The following CTNNA2 variants were observed in gnomAD, a reference collection of about 807,000 sequenced individuals.
The protein encoded by CTNNA2 is catenin alpha-2.
CTNNA2 carries 42 observed loss-of-function variants against 101.0 expected under a neutral mutation model. That is an observed-to-expected ratio of 0.42 (90% CI 0.32 to 0.54). The LOEUF is 0.54. Among genes scored for constraint, CTNNA2 ranks in the 20% least tolerant of loss-of-function variants. The probability of loss-of-function intolerance (pLI) is 0.14; values close to 1 mark genes in which losing one functional copy is unlikely to be tolerated. For synonymous variants in CTNNA2, 450 were observed against 456.4 expected, an observed-to-expected ratio of 0.99 and a Z score of 0.18; for missense variants, 871 against 1,223.1, an observed-to-expected ratio of 0.71 and a Z score of 4.29.
At chr2:80,588,873 C>T (rs1286796306) in intron 14 of CTNNA2, among the ~76,000 whole-genome samples, 1 of 152,162 alleles carries the variant, frequency 6.6e-6, no homozygotes, top group African/African-American at 2.4e-5. Context: ...TTTAAAATTC[C>T]TATCCTTTCC....
At chr2:79,979,402 T>C (rs1261511237) in intron 7 of CTNNA2, among the ~76,000 whole-genome samples, 1 of 151,986 alleles carries the variant, frequency 6.6e-6, no homozygotes, top group Non-Finnish European at 1.5e-5. Context: ...AAAACCCTGA[T>C]AACATGAGTG....
At chr2:79,388,906 A>G (rs542061400) in intron 4 of CTNNA2, among the ~76,000 whole-genome samples, 7 of 152,300 alleles carry the variant, frequency 4.6e-5, no homozygotes, top group Admixed American at 3.9e-4. Context: ...CAACATAAAA[A>G]TTCACCTGCA....
At chr2:80,535,802 G>A (rs1004305335) in intron 9 of CTNNA2, among the ~76,000 whole-genome samples, 1 of 152,152 alleles carries the variant, frequency 6.6e-6, no homozygotes, top group African/African-American at 2.4e-5. Flanking sequence ...TAGAACTGCA[G>A]TGACTGTTAA....
intron 11 of CTNNA2, among the ~76,000 whole-genome samples, chr2:80,553,249 A>G (rs965643157): frequency 2.0e-5 from 3 of 151,892 alleles, no homozygotes; most frequent in Non-Finnish European, 4.4e-5. Context: ...ATAAAATAAA[A>G]TAAAATTAGT....
intron 5 of CTNNA2, among the ~76,000 whole-genome samples, chr2:79,506,357 GAGTTA>G (rs1401774409): frequency 6.6e-6 from 1 of 151,976 alleles, no homozygotes; most frequent in Non-Finnish European, 1.5e-5. Context: ...CGTCCAAGCT[GAGTTA>G]AGTTGACTTA....
At chr2:79,556,627 C>T (rs527311919) in intron 1 of CTNNA2, among the ~76,000 whole-genome samples, 2 of 152,156 alleles carry the variant, frequency 1.3e-5, no homozygotes, top group East Asian at 3.9e-4. Flanking sequence ...GCCCATACCA[C>T]ACTTAGGTAC....
chr2:79,800,763 C>T (rs1370698241), intron 3 of CTNNA2, among the ~76,000 whole-genome samples: 1 of 152,090 alleles, frequency 6.6e-6, no homozygotes, highest in Non-Finnish European at 1.5e-5. Context: ...TGATAACATG[C>T]CTGCTGAAAG....
At chr2:79,258,461 G>A (rs1202791540) in intron 2 of CTNNA2, among the ~76,000 whole-genome samples, 2 of 152,042 alleles carry the variant, frequency 1.3e-5, no homozygotes, top group Non-Finnish European at 2.9e-5. Context: ...TTAGAGCTCT[G>A]GACTTGAATC....
At chr2:79,595,963 A>G (rs561726421) in intron 1 of CTNNA2, among the ~76,000 whole-genome samples, 1 of 150,580 alleles carries the variant, frequency 6.6e-6, no homozygotes, top group East Asian at 2.0e-4. Flanking sequence ...CCATTCCGCC[A>G]TGTGATACTC....
intron 4 of CTNNA2, among the ~76,000 whole-genome samples, chr2:79,400,713 A>G (rs1196707866): frequency 6.6e-6 from 1 of 151,960 alleles, no homozygotes; most frequent in Non-Finnish European, 1.5e-5. Flanking sequence ...GGGGCAAGAG[A>G]AAAAGGGGTA....
At chr2:79,279,388 T>C (rs10191605) in intron 2 of CTNNA2, among the ~76,000 whole-genome samples, 8,628 of 152,124 alleles carry the variant, frequency 0.057, 634 homozygotes, top group African/African-American at 0.16. Flanking sequence ...TTCTCAATAT[T>C]CATATCTTCC....
At chr2:80,206,137 G>T (rs1056810099) in intron 7 of CTNNA2, among the ~76,000 whole-genome samples, 3 of 152,094 alleles carry the variant, frequency 2.0e-5, no homozygotes, top group African/African-American at 7.2e-5. Flanking sequence ...TTAATCATAT[G>T]GAAATCTATT....
In CTNNA2 at chr2:79,769,783, T is replaced by C. The variant is rs61097277; in HGVS notation, c.298+25201T>C. Among the ~76,000 whole-genome samples, 976 of 152,348 alleles carry C rather than the reference T, an allele frequency of 6.4e-3. 12 individuals are homozygous for C. Among genetic ancestry groups the C allele is most frequent in the African/African-American group, 0.022 (934 of 41,576 alleles). On this transcript the variant is annotated intron_variant, in intron 3 of 18. Coordinates refer to ENST00000402739, the MANE Select transcript of CTNNA2 (RefSeq NM_001282597.3). ...TTCTCCAATGGAGGAAATACTGGAA[T>C]GGAATCCTGATTATTATTACGTTTG...
chr2:80,527,434 G>A (rs1351516371), intron 9 of CTNNA2, among the ~76,000 whole-genome samples: 1 of 152,206 alleles, frequency 6.6e-6, no homozygotes. Flanking sequence ...TATCCGGGGT[G>A]AGGCCTGAGA....
intron 7 of CTNNA2, among the ~76,000 whole-genome samples, chr2:80,082,195 GAATT>G (rs755136153): frequency 2.6e-5 from 4 of 152,098 alleles, no homozygotes; most frequent in Non-Finnish European, 5.9e-5. Flanking sequence ...TAACTTTAGA[GAATT>G]AATGGGATTT....
intron 7 of CTNNA2, among the ~76,000 whole-genome samples, chr2:80,052,603 C>T (rs531109619): frequency 4.6e-5 from 7 of 152,264 alleles, no homozygotes; most frequent in African/African-American, 1.2e-4. Flanking sequence ...TGAAGCTCTT[C>T]TTACTTCAAA....
intron 2 of CTNNA2, among the ~76,000 whole-genome samples, chr2:79,713,960 T>C (rs867445936): frequency 1.3e-5 from 2 of 152,178 alleles, no homozygotes; most frequent in African/African-American, 4.8e-5. Flanking sequence ...CATATGTCTT[T>C]ATGTACGAAC....
chr2:79,884,671 G>T (rs2916508), intron 6 of CTNNA2, among the ~76,000 whole-genome samples: 141,643 of 152,022 alleles, frequency 0.93, 66,127 homozygotes, highest in African/African-American at 0.98. Context: ...TAAGTTCCCC[G>T]TCCTATTTTT....
At chr2:79,238,395 A>G (rs1030500865) in intron 2 of CTNNA2, among the ~76,000 whole-genome samples, 1 of 152,210 alleles carries the variant, frequency 6.6e-6, no homozygotes, top group South Asian at 2.1e-4. Flanking sequence ...ATCACAGATC[A>G]CCATAACAGA....
Sources: gnomAD v4.1 joint callset for allele counts (sites outside exome capture counted in the v4.1 genomes callset) on GRCh38, gnomAD v4.1.1 for gene constraint, MANE v1.5 for transcripts, NCBI Gene and HGNC (gene_info 2026-07-23, HGNC 2026-07-21) for gene names.